CCKAR: variants seen among roughly 807,000 people sequenced by gnomAD.
CCKAR encodes the protein cholecystokinin receptor type A.
In CCKAR, 21 loss-of-function variants were observed where a neutral mutation model predicts 29.8. The observed-to-expected ratio is 0.70, with a 90% CI of 0.50 to 1.01. The LOEUF (loss-of-function observed/expected upper bound fraction) is 1.01, where lower values mean the gene tolerates loss of function less well. Ranked by LOEUF, CCKAR falls within the 50% of genes least tolerant of loss-of-function variation. The pLI is 0.00. For missense variants in CCKAR, 570 were observed against 560.6 expected (o/e 1.02, Z -0.17); for synonymous variants, 238 against 221.3 (o/e 1.08, Z -0.67).
chr4:26,489,374 C>T lies in CCKAR; in HGVS notation c.223G>A (p.Val75Ile). Reference sequence around the variant, plus strand: ...AGGGAGAGGAGGAAGATGTTGGTGACCGTCCGCATCCGCTTGTTCCGAATC... The same window carrying T: ...AGGGAGAGGAGGAAGATGTTGGTGATCGTCCGCATCCGCTTGTTCCGAATC... Reference protein sequence around the residue: ...VLIRNKRMRTVTNIFLLSLAV... With the variant: ...VLIRNKRMRTITNIFLLSLAV... The change falls in exon 2 of 5, where the codon GTC becomes ATC. Residue 75 changes from valine (V) to isoleucine (I), a missense_variant. Physicochemically the swap from Val to Ile is conservative, Grantham distance 29 (BLOSUM62 3). Transcript: ENST00000295589. The T allele has an allele frequency of 6.2e-7, 1 of 1,614,158 alleles. No homozygotes were observed. The highest frequency in any genetic ancestry group is 8.5e-7 in the Non-Finnish European group (1 of 1,180,044).
intron 2 of CCKAR, among the ~76,000 whole-genome samples, chr4:26,488,226 G>T (rs984628434): frequency 1.0e-4 from 14 of 134,768 alleles, no homozygotes; most frequent in African/African-American, 4.4e-4. Context: ...AGGGGACCAA[G>T]AAATGTGTTT....
chr4:26,488,810 A>G (rs897931209), intron 2 of CCKAR, among the ~76,000 whole-genome samples: 1 of 152,138 alleles, frequency 6.6e-6, no homozygotes, highest in African/African-American at 2.4e-5. Flanking sequence ...ACCCTCCTCC[A>G]TCATCCTCAC....
intron 1 of CCKAR, 53 bp from the exon 2 acceptor site, chr4:26,489,537 T>G (rs1384104047): frequency 1.3e-6 from 2 of 1,596,230 alleles, no homozygotes; most frequent in Non-Finnish European, 1.7e-6. Context: ...GACAGCAGAA[T>G]GCTAAAACCG....
chr4:26,481,844 T>C lies in CCKAR; in HGVS notation c.1081A>G (p.Thr361Ala), dbSNP rs1172813392. The C allele has an allele frequency of 1.2e-6, 2 of 1,613,586 alleles. No individual in the cohort carries two copies. The highest frequency in any genetic ancestry group is 8.5e-7 in the Non-Finnish European group (1 of 1,179,772). The change falls in exon 5 of 5, where the codon ACC (threonine) becomes GCC (alanine). Residue 361 changes from threonine to alanine, a missense_variant. Thr to Ala is a moderately conservative substitution (Grantham distance 58). Transcript: ENST00000295589. ...ATGATGGGGTTGACGCAGGAGGAGG[T>C]GTAGGACAGGAGGAGGATGAAGGAA... Reference protein sequence around the residue: ...PISFILLLSYTSSCVNPIIYC... With the variant: ...PISFILLLSYASSCVNPIIYC...
intron 3 of CCKAR, among the ~76,000 whole-genome samples, chr4:26,485,077 C>G (rs1031221079): frequency 7.9e-5 from 12 of 151,198 alleles, no homozygotes; most frequent in Non-Finnish European, 1.6e-4. Context: ...GCCTGTAATC[C>G]CAGCTACTCA....
chr4:26,489,506 A>G (rs1737515373), intron 1 of CCKAR, 22 bp from the exon 2 acceptor site: 1 of 1,611,308 alleles, frequency 6.2e-7, no homozygotes. Flanking sequence ...AACAGGAGCA[A>G]GACGGAGGGA....
chr4:26,483,291 A>T lies in CCKAR; in HGVS notation c.627-8T>A, dbSNP rs778257879. ...AGTAACAGGAATGTGTGCCTAATGA[A>T]ATCAAAAGAAATCCAATAACCAGCA... On this transcript the variant is annotated splice_region_variant and splice_polypyrimidine_tract_variant and intron_variant, in intron 3 of 4. Coordinates refer to ENST00000295589, the MANE Select transcript of CCKAR (RefSeq NM_000730.3). 2 of 1,611,384 alleles carry T rather than the reference A, an allele frequency of 1.2e-6. No homozygotes were observed. The highest frequency in any genetic ancestry group is 1.7e-4 in the Middle Eastern group (1 of 6,052).
chr4:26,482,835 T>C (rs1428099696), intron 4 of CCKAR, among the ~76,000 whole-genome samples: 1 of 152,178 alleles, frequency 6.6e-6, no homozygotes, highest in Non-Finnish European at 1.5e-5. Context: ...GAATTACAAG[T>C]AGCTCTGGTT....
Position 26,490,232 on chromosome 4 carries a change from G to C in CCKAR, c.36C>G (p.Ser12Arg), listed in dbSNP as rs200917200. 2 of 1,613,590 alleles carry C rather than the reference G, an allele frequency of 1.2e-6. No homozygotes were observed. The change falls in exon 1 of 5, where the codon AGC becomes AGG. Residue 12 changes from serine to arginine, a missense_variant. By Grantham distance (110) the Ser-to-Arg change is moderately radical (BLOSUM62 -1). Transcript: ENST00000295589. The stretch of plus-strand genomic sequence containing the variant: ...CGAGTTCACAGGGAGGAGTGATGTT[G>C]CTTCCATTCACAAGAAGGCTGTCAA... ...DVVDSLLVNGSNITPPCELGL... is the reference protein window; with the variant it reads ...DVVDSLLVNGRNITPPCELGL...
intron 2 of CCKAR, among the ~76,000 whole-genome samples, chr4:26,488,737 C>T (rs113380537): frequency 8.3e-4 from 127 of 152,120 alleles, no homozygotes; most frequent in African/African-American, 2.9e-3. Context: ...TCTGAAACTG[C>T]GATAGAACTG....
At chr4:26,482,600 C>A (rs1296455331) in intron 4 of CCKAR, among the ~76,000 whole-genome samples, 1 of 152,108 alleles carries the variant, frequency 6.6e-6, no homozygotes, top group African/African-American at 2.4e-5. Flanking sequence ...TAGTAGACAG[C>A]TGAGTTAGGG....
chr4:26,486,965 A>C (rs772969061), intron 2 of CCKAR, among the ~76,000 whole-genome samples: 5 of 152,074 alleles, frequency 3.3e-5, no homozygotes, highest in Non-Finnish European at 7.4e-5. Context: ...TGGCCTATGG[A>C]AAAAAAATTA....
chr4:26,484,008 C>T (rs544753640), intron 3 of CCKAR, among the ~76,000 whole-genome samples: 20 of 152,290 alleles, frequency 1.3e-4, no homozygotes, highest in South Asian at 8.3e-4. Context: ...TTTACGTGGG[C>T]GTCCATTCTC....
intron 2 of CCKAR, among the ~76,000 whole-genome samples, chr4:26,488,449 G>A (rs1273512788): frequency 6.6e-6 from 1 of 152,174 alleles, no homozygotes; most frequent in Admixed American, 6.5e-5. Context: ...TGGGAGATAA[G>A]GTAAGATCAT....
At position 26,481,798 on chromosome 4, in the gene CCKAR, C is replaced by T. The variant is rs1737350891; in HGVS notation, c.1127G>A (p.Arg376His). 1.9e-6 allele frequency: 3 copies of T among 1,613,796 alleles called. No individual in the cohort carries two copies. The highest frequency in any genetic ancestry group is 2.5e-6 in the Non-Finnish European group (3 of 1,179,846). ...NPIIYCFMNK[R>H]FRLGFMATFP... ...GGTGGCCATGAAGCCGAGGCGGAAG[C>T]GTTTGTTCATGAAGCAGTAGATGAT... Residue 376 changes from arginine to histidine, a missense_variant, in exon 5 of 5, where the codon CGC becomes CAC. Transcript: ENST00000295589.
At chr4:26,489,108 G>T in intron 2 of CCKAR, 125 bp downstream of exon 2, 1 of 1,230,006 alleles carries the variant, frequency 8.1e-7, no homozygotes, top group Non-Finnish European at 1.2e-6. Flanking sequence ...GCCATGCACA[G>T]CCTGATGTTC....
intron 2 of CCKAR, 71 bp downstream of exon 2, chr4:26,489,162 A>G: frequency 6.3e-7 from 1 of 1,582,384 alleles, no homozygotes; most frequent in Non-Finnish European, 8.6e-7. Flanking sequence ...TGATTGTCAG[A>G]GGTTTGGGAA....
chr4:26,489,299 T>A lies in CCKAR; in HGVS notation c.298A>T (p.Ile100Phe). ...ATGAAATCCTTGAGCAGATTGGGGA[T>A]GAGGTTGAACGGCATGCAGAAGAGA... ...LCLFCMPFNL[I>F]PNLLKDFIFG... The change falls in exon 2 of 5, where the codon ATC (isoleucine) becomes TTC (phenylalanine). Residue 100 changes from isoleucine (I) to phenylalanine (F), a missense_variant. Ile to Phe is a conservative substitution (Grantham distance 21, BLOSUM62 0). Transcript: ENST00000295589. 1 of 1,614,008 alleles carries A rather than the reference T, an allele frequency of 6.2e-7. No homozygotes were observed.
intron 4 of CCKAR, 95 bp from the exon 5 acceptor site, chr4:26,482,265 C>A: frequency 8.5e-7 from 1 of 1,175,206 alleles, no homozygotes; most frequent in Non-Finnish European, 1.2e-6. Context: ...AAGTCCAAAC[C>A]AAACAGGAAC....
Sources: gnomAD v4.1 joint callset for allele counts (sites outside exome capture counted in the v4.1 genomes callset) on GRCh38, gnomAD v4.1.1 for gene constraint, MANE v1.5 for transcripts, NCBI Gene and HGNC (gene_info 2026-07-23, HGNC 2026-07-21) for gene names.